Variants in AFG2A observed in about 807,000 individuals in gnomAD.
AFG2A encodes AAA ATPase AFG2A, also known as ATPase family gene 2 protein homolog A.
chr4:123,016,810 A>G, the AFG2A span, among the ~76,000 whole-genome samples: 5 of 152,276 alleles, frequency 3.3e-5, no homozygotes, highest in African/African-American at 1.2e-4. Context: ...AGATCACGCC[A>G]CTGCACTCCA....
chr4:123,236,979 A>G, the AFG2A span, among the ~76,000 whole-genome samples: 1 of 152,226 alleles, frequency 6.6e-6, no homozygotes, highest in Non-Finnish European at 1.5e-5. Flanking sequence ...ATTGATTGTC[A>G]CTGGAGCAAG....
chr4:122,944,388 A>G, the AFG2A span, among the ~76,000 whole-genome samples: 10 of 151,922 alleles, frequency 6.6e-5, no homozygotes, highest in Non-Finnish European at 1.5e-4. Context: ...CATTCATGTC[A>G]TCTTCCATCA....
the AFG2A span, among the ~76,000 whole-genome samples, chr4:123,078,542 G>A: frequency 5.3e-5 from 8 of 152,164 alleles, no homozygotes; most frequent in African/African-American, 1.4e-4. Flanking sequence ...ATGGATTTAC[G>A]TAGGCTTAGT....
chr4:123,130,068 G>A, the AFG2A span, among the ~76,000 whole-genome samples: 2 of 152,098 alleles, frequency 1.3e-5, no homozygotes, highest in Non-Finnish European at 2.9e-5. Context: ...AAGAGCAGTG[G>A]TGCAATCATA....
chr4:123,103,558 A>G, the AFG2A span, among the ~76,000 whole-genome samples: 86 of 152,230 alleles, frequency 5.6e-4, no homozygotes, highest in Non-Finnish European at 1.1e-3. Flanking sequence ...AGCTTTATTC[A>G]TAATTTAAGT....
chr4:123,304,431 A>G, the AFG2A span, among the ~76,000 whole-genome samples: 1 of 152,120 alleles, frequency 6.6e-6, no homozygotes, highest in African/African-American at 2.4e-5. Context: ...AGACACACAG[A>G]GGAAGGAGGT....
At chr4:123,148,710 C>T in the AFG2A span, among the ~76,000 whole-genome samples, 1 of 151,588 alleles carries the variant, frequency 6.6e-6, no homozygotes, top group Non-Finnish European at 1.5e-5. Context: ...AGGTACATAC[C>T]TTGCCAAAAA....
chr4:123,107,285 C>A, the AFG2A span, among the ~76,000 whole-genome samples: 20 of 152,296 alleles, frequency 1.3e-4, no homozygotes, highest in African/African-American at 4.8e-4. Context: ...GAGTTCTTGT[C>A]CCGTGTCCAG....
the AFG2A span, among the ~76,000 whole-genome samples, chr4:123,172,491 T>A: frequency 6.6e-6 from 1 of 152,226 alleles, no homozygotes; most frequent in African/African-American, 2.4e-5. Context: ...AAATGTTGCC[T>A]CTTTAATCTG....
the AFG2A span, among the ~76,000 whole-genome samples, chr4:123,203,191 G>A: frequency 1.1e-4 from 17 of 148,454 alleles, no homozygotes; most frequent in Admixed American, 4.7e-4. Flanking sequence ...TGCTCTTATC[G>A]CCCAGGCTGG....
the AFG2A span, among the ~76,000 whole-genome samples, chr4:123,017,015 G>C: frequency 6.6e-6 from 1 of 150,916 alleles, no homozygotes; most frequent in Non-Finnish European, 1.5e-5. Context: ...GCAGGCCCTC[G>C]GCAGGCTGAG....
chr4:123,259,373 G>A, the AFG2A span, among the ~76,000 whole-genome samples: 1 of 152,178 alleles, frequency 6.6e-6, no homozygotes, highest in East Asian at 1.9e-4. Flanking sequence ...GTAAGCCTCA[G>A]GAGGCTCTCA....
chr4:122,961,536 C>G, the AFG2A span, among the ~76,000 whole-genome samples: 1 of 152,168 alleles, frequency 6.6e-6, no homozygotes, highest in Non-Finnish European at 1.5e-5. Flanking sequence ...CGGAGTCTTA[C>G]GCTTTTTGCC....
the AFG2A span, among the ~76,000 whole-genome samples, chr4:123,246,465 A>C: frequency 6.6e-6 from 1 of 152,294 alleles, no homozygotes; most frequent in South Asian, 2.1e-4. Context: ...ACGGACTGTG[A>C]GATAAGGACC....
the AFG2A span, chr4:123,255,999 C>G: frequency 3.1e-6 from 5 of 1,613,292 alleles, no homozygotes; most frequent in Non-Finnish European, 4.2e-6. Flanking sequence ...ATTCATGTTG[C>G]CTCATTTTCT....
the AFG2A span, among the ~76,000 whole-genome samples, chr4:123,030,946 A>G: frequency 6.6e-6 from 1 of 152,208 alleles, no homozygotes; most frequent in Non-Finnish European, 1.5e-5. Context: ...GGGATACTCA[A>G]CATGTACTAT....
At chr4:122,955,582 A>G in the AFG2A span, among the ~76,000 whole-genome samples, 1 of 152,170 alleles carries the variant, frequency 6.6e-6, no homozygotes, top group Non-Finnish European at 1.5e-5. Context: ...AGTCTTTTTG[A>G]CCTTTTATCT....
the AFG2A span, among the ~76,000 whole-genome samples, chr4:123,017,435 T>G: frequency 2.2e-5 from 3 of 136,742 alleles, no homozygotes; most frequent in Admixed American, 7.1e-5. Flanking sequence ...TTTTTTTTTT[T>G]TTTTTTTTTT....
chr4:123,177,076 A>G, the AFG2A span, among the ~76,000 whole-genome samples: 1 of 152,174 alleles, frequency 6.6e-6, no homozygotes, highest in Non-Finnish European at 1.5e-5. Flanking sequence ...AGCTCCAGAG[A>G]AACCAAGTTT....
Sources: gnomAD v4.1 joint callset for allele counts (sites outside exome capture counted in the v4.1 genomes callset) on GRCh38, gnomAD v4.1.1 for gene constraint, MANE v1.5 for transcripts, NCBI Gene and HGNC (gene_info 2026-07-23, HGNC 2026-07-21) for gene names.